NRXN1: variants seen among roughly 807,000 people sequenced by gnomAD.
NRXN1 encodes the protein neurexin 1, also known as neurexin-1.
NRXN1 carries 39 observed loss-of-function variants against 150.9 expected under a neutral mutation model. The ratio of observed to expected loss-of-function variants is 0.26; its 90% CI spans 0.20 to 0.34. The LOEUF (loss-of-function observed/expected upper bound fraction) is 0.34, where lower values mean the gene tolerates loss of function less well. Among genes scored for constraint, NRXN1 ranks in the 10% least tolerant of loss-of-function variants. NRXN1 has a pLI of 1.00. For synonymous variants in NRXN1, 924 were observed against 757.0 expected, an observed-to-expected ratio of 1.22 and a Z score of -3.62; for missense variants, 1,815 against 1,949.9, an observed-to-expected ratio of 0.93 and a Z score of 1.30.
chr2:50,145,535 C>G (rs556288370), intron 18 of NRXN1, among the ~76,000 whole-genome samples: 6 of 151,758 alleles, frequency 4.0e-5, no homozygotes, highest in African/African-American at 1.4e-4. Context: ...GCTATCTCCC[C>G]CTCCAGAACA....
intron 5 of NRXN1, chr2:50,656,212 G>T: frequency 3.7e-6 from 2 of 543,118 alleles, no homozygotes; most frequent in Non-Finnish European, 3.4e-6. Flanking sequence ...ACACACAAAA[G>T]CAAAGTGATC....
intron 18 of NRXN1, 116 bp from the exon 19 acceptor site, chr2:50,091,610 A>C: frequency 9.3e-7 from 1 of 1,078,328 alleles, no homozygotes; most frequent in Non-Finnish European, 1.4e-6. Context: ...GCTTTCCTCC[A>C]ATTTTACTTC....
At chr2:50,674,744 G>A (rs572667764) in intron 5 of NRXN1, among the ~76,000 whole-genome samples, 3 of 152,076 alleles carry the variant, frequency 2.0e-5, no homozygotes, top group African/African-American at 7.2e-5. Flanking sequence ...GGTGAATAAT[G>A]GTGTAGTCAA....
chr2:50,004,635 C>T lies in NRXN1; in HGVS notation c.4128+48636G>A, dbSNP rs1018138831. On this transcript the variant is annotated intron_variant, in intron 21 of 22. Coordinates refer to ENST00000401669, the MANE Select transcript of NRXN1 (RefSeq NM_001330078.2). ...ATTATTCAAGGCAATCTTTTATATACACTTTCTACCTTCCTTTGCCTCCCA... is the reference window on the plus strand; with the variant it reads ...ATTATTCAAGGCAATCTTTTATATATACTTTCTACCTTCCTTTGCCTCCCA... Among the ~76,000 whole-genome samples, 31 of 152,198 alleles carry T rather than the reference C, an allele frequency of 2.0e-4. 1 individual carries two copies. The highest frequency in any genetic ancestry group is 7.2e-4 in the African/African-American group (30 of 41,536).
intron 17 of NRXN1, among the ~76,000 whole-genome samples, chr2:50,451,552 T>G (rs1474876446): frequency 6.6e-6 from 1 of 152,162 alleles, no homozygotes; most frequent in Non-Finnish European, 1.5e-5. Context: ...TTGCTCTGCA[T>G]CGGTTCTTCC....
At chr2:50,326,855 C>A (rs1239113630) in intron 17 of NRXN1, among the ~76,000 whole-genome samples, 1 of 152,080 alleles carries the variant, frequency 6.6e-6, no homozygotes, top group Non-Finnish European at 1.5e-5. Context: ...AGAACATCAA[C>A]AATAAAATTT....
intron 21 of NRXN1, among the ~76,000 whole-genome samples, chr2:50,010,372 C>T (rs192344342): frequency 6.6e-6 from 1 of 152,250 alleles, no homozygotes; most frequent in Admixed American, 6.5e-5. Context: ...ATTCAACAGG[C>T]TTCCTTGGAG....
chr2:50,042,549 G>A (rs10182887), intron 21 of NRXN1, among the ~76,000 whole-genome samples: 78,998 of 151,960 alleles, frequency 0.52, 20,944 homozygotes, highest in Middle Eastern at 0.64. Context: ...TAGCAGCGTG[G>A]GAATGGACTA....
chr2:50,672,549 A>G (rs940116193), intron 5 of NRXN1, among the ~76,000 whole-genome samples: 1 of 152,078 alleles, frequency 6.6e-6, no homozygotes, highest in African/African-American at 2.4e-5. Flanking sequence ...CAAGGCTGGA[A>G]ATAGTGTTAC....
At chr2:49,982,659 C>T (rs1260523585) in intron 21 of NRXN1, among the ~76,000 whole-genome samples, 1 of 152,014 alleles carries the variant, frequency 6.6e-6, no homozygotes, top group Admixed American at 6.6e-5. Flanking sequence ...CATTTTCCAT[C>T]TTGATTTAGA....
At chr2:50,917,922 ATAAGAG>A (rs1558417858) in intron 5 of NRXN1, 2 of 151,746 alleles carry the variant, frequency 1.3e-5, no homozygotes, top group African/African-American at 4.8e-5. Flanking sequence ...CAAATCTATT[ATAAGAG>A]TAAGTTTAAT....
rs374676934 is a variant in NRXN1 at position 50,933,632 on chromosome 2, A to G, written c.773-7677T>C. ...AGTTAATGTCTAGTGACTAAACTAA[A>G]CCCATATGAATATTGGTCATGTGGA... On this transcript the variant is annotated intron_variant, in intron 2 of 22. Transcript: ENST00000401669. Among the ~76,000 whole-genome samples the G allele has an allele frequency of 2.4e-4, 37 of 152,238 alleles. No individual in the cohort carries two copies. In the East Asian group the frequency reaches 3.1e-3, roughly 13 times the overall value.
At chr2:50,654,342 C>T (rs185531599) in intron 5 of NRXN1, among the ~76,000 whole-genome samples, 3,689 of 151,782 alleles carry the variant, frequency 0.024, 148 homozygotes, top group African/African-American at 0.084. Flanking sequence ...ATCCATGTCC[C>T]TACAAAGGAC....
At chr2:50,525,305 T>C (rs1281589474) in intron 12 of NRXN1, among the ~76,000 whole-genome samples, 1 of 152,232 alleles carries the variant, frequency 6.6e-6, no homozygotes, top group African/African-American at 2.4e-5. Flanking sequence ...TAGCCTACAA[T>C]TTGTGTTCCT....
intron 21 of NRXN1, among the ~76,000 whole-genome samples, chr2:50,046,028 A>G (rs1691745011): frequency 6.6e-6 from 1 of 152,246 alleles, no homozygotes; most frequent in Non-Finnish European, 1.5e-5. Flanking sequence ...TACAGAAATC[A>G]TATTTGCAAG....
At chr2:50,940,990 G>A (rs1428629130) in intron 2 of NRXN1, among the ~76,000 whole-genome samples, 1 of 152,142 alleles carries the variant, frequency 6.6e-6, no homozygotes, top group African/African-American at 2.4e-5. Flanking sequence ...AACGTGTTGG[G>A]AGATTGGCCT....
At chr2:50,611,249 A>G (rs777713736) in intron 8 of NRXN1, among the ~76,000 whole-genome samples, 16 of 152,138 alleles carry the variant, frequency 1.1e-4, no homozygotes, top group Non-Finnish European at 1.5e-4. Context: ...CCTCAGAATT[A>G]AAATGTCACT....
chr2:50,870,078 A>G (rs927759463), intron 5 of NRXN1, among the ~76,000 whole-genome samples: 2 of 151,910 alleles, frequency 1.3e-5, no homozygotes, highest in Non-Finnish European at 2.9e-5. Context: ...CAGAATTATC[A>G]TAATTTTGCC....
intron 17 of NRXN1, among the ~76,000 whole-genome samples, chr2:50,436,709 T>C (rs1382129660): frequency 6.6e-6 from 1 of 152,200 alleles, no homozygotes. Context: ...TATTCTTCCA[T>C]CTTTCAGCAA....
Sources: allele counts gnomAD v4.1 joint callset (sites outside exome capture counted in the v4.1 genomes callset), GRCh38; gene constraint gnomAD v4.1.1; transcripts MANE v1.5; gene names NCBI Gene and HGNC (gene_info 2026-07-23, HGNC 2026-07-21).